PRKX: variants seen among roughly 807,000 people sequenced by gnomAD.
PRKX encodes protein kinase cAMP-dependent X-linked catalytic subunit.
In PRKX, 12 loss-of-function variants were observed where a neutral mutation model predicts 22.0. The ratio of observed to expected loss-of-function variants is 0.54; its 90% CI spans 0.35 to 0.88. PRKX has a LOEUF of 0.88. PRKX is among the 40% of genes least tolerant of loss of function. PRKX has a pLI of 0.01. For synonymous variants in PRKX, 134 were observed against 137.7 expected (o/e 0.97, Z 0.19); for missense variants, 217 against 308.0 (o/e 0.70, Z 2.21).
chrX:3,687,405 A>G (rs180727954), intron 1 of PRKX, among the ~76,000 whole-genome samples: 86 of 112,317 alleles, frequency 7.7e-4, no homozygotes, highest in African/African-American at 2.7e-3. Context: ...TGAGACAGCA[A>G]ATGGCTGATG....
intron 7 of PRKX, 96 bp downstream of exon 7, chrX:3,615,719 T>C: frequency 1.5e-6 from 1 of 687,835 alleles, no homozygotes; most frequent in African/African-American, 2.2e-5. Context: ...ATTAATCACA[T>C]GTCAGCCATC....
At chrX:3,647,419 AATT>A (rs1275056511) in intron 3 of PRKX, among the ~76,000 whole-genome samples, 2 of 105,659 alleles carry the variant, frequency 1.9e-5, no homozygotes, top group African/African-American at 3.4e-5. Flanking sequence ...TTTTAAATAT[AATT>A]ATGTTTAACT....
intron 4 of PRKX, among the ~76,000 whole-genome samples, chrX:3,632,372 C>T (rs1209117505): frequency 1.8e-5 from 2 of 110,979 alleles, no homozygotes; most frequent in African/African-American, 3.3e-5. Context: ...AACAACCTCC[C>T]GAGCCCGTCC....
At position 3,655,458 on chromosome X, in the gene PRKX, CA is replaced by C. The variant is rs1197340387; in HGVS notation, c.336-47del. 4 of 1,202,286 alleles carry C rather than the reference CA, an allele frequency of 3.3e-6. No individual in the cohort carries two copies. In the East Asian group the frequency reaches 8.9e-5, roughly 27 times the overall value. On this transcript the variant is annotated intron_variant, in intron 2 of 8. Transcript: ENST00000262848. Reference sequence around the variant, plus strand: ...TGCTCAGGGCCCCGCCAAGGCAGGGCAGGGGGTACGCCGTCAGCTAGGTGTT... The same window carrying C: ...TGCTCAGGGCCCCGCCAAGGCAGGGCGGGGGTACGCCGTCAGCTAGGTGTT...
At chrX:3,654,670 C>T (rs975061237) in intron 3 of PRKX, among the ~76,000 whole-genome samples, 6 of 107,600 alleles carry the variant, frequency 5.6e-5, no homozygotes, top group East Asian at 2.9e-4. Context: ...TCTGTAGAGA[C>T]GGGGTCTCAC....
intron 4 of PRKX, among the ~76,000 whole-genome samples, chrX:3,635,558 C>T (rs1367383520): frequency 1.8e-5 from 2 of 110,955 alleles, no homozygotes; most frequent in African/African-American, 6.6e-5. Flanking sequence ...TTGTGTGTCC[C>T]TGTGTTTTGT....
At chrX:3,678,586 T>C (rs1928010138) in intron 1 of PRKX, among the ~76,000 whole-genome samples, 1 of 112,307 alleles carries the variant, frequency 8.9e-6, no homozygotes, top group South Asian at 3.7e-4. Flanking sequence ...GCAGCGGATC[T>C]TTGCGCTACC....
At chrX:3,635,263 G>A (rs112448342) in intron 4 of PRKX, among the ~76,000 whole-genome samples, 3,073 of 111,427 alleles carry the variant, frequency 0.028, 116 homozygotes, top group African/African-American at 0.094. Context: ...GAACCACTGC[G>A]CAATGCCTAA....
intron 1 of PRKX, among the ~76,000 whole-genome samples, chrX:3,704,389 G>T (rs1928641310): frequency 8.9e-6 from 1 of 112,173 alleles, no homozygotes; most frequent in South Asian, 3.7e-4. Context: ...GTCAGGCAGG[G>T]CGTGGTGGCT....
chrX:3,650,539 A>G (rs1464773109), intron 3 of PRKX, among the ~76,000 whole-genome samples: 11 of 101,117 alleles, frequency 1.1e-4, no homozygotes, highest in Admixed American at 2.2e-4. Context: ...AAAAAAAAAA[A>G]AGAGAGAAAA....
chrX:3,679,964 G>A (rs1014251579), intron 1 of PRKX, among the ~76,000 whole-genome samples: 2 of 111,246 alleles, frequency 1.8e-5, no homozygotes, highest in African/African-American at 6.5e-5. Context: ...TTAATGCGGG[G>A]TGGACTCAGG....
chrX:3,690,427 T>G lies in PRKX; in HGVS notation c.167-15661A>C, dbSNP rs768321502. ...CGATGTACAGTGTATTAAATTACAC[T>G]TTCTCATCAGAAATACAAAATGTGG... On this transcript the variant is annotated intron_variant, in intron 1 of 8. Transcript: ENST00000262848. 2.7e-5 allele frequency among the ~76,000 whole-genome samples: 3 copies of G among 112,859 alleles called. No homozygotes were observed. In the East Asian group the frequency reaches 8.4e-4, roughly 31 times the overall value.
rs990324652 is a variant in PRKX at position 3,713,333 on chromosome X, G to A, written c.-80C>T. 15 of 833,467 alleles carry A rather than the reference G, an allele frequency of 1.8e-5. No individual in the cohort carries two copies. The highest frequency in any genetic ancestry group is 4.5e-6 in the Non-Finnish European group (3 of 659,724). The allele number at this position is 833,467 out of a possible 1,213,427, so 68.7% of individuals were successfully genotyped here. On this transcript the variant is annotated 5_prime_UTR_variant, in exon 1 of 9. Transcript: ENST00000262848. ...GGCTTCCCGGGACGCAGCCTCGGAGGGCGGCGCGGCGGCGGCATCAACAGA... is the reference window on the plus strand; with the variant it reads ...GGCTTCCCGGGACGCAGCCTCGGAGAGCGGCGCGGCGGCGGCATCAACAGA...
chrX:3,685,205 C>A (rs1928152080), intron 1 of PRKX, among the ~76,000 whole-genome samples: 1 of 109,823 alleles, frequency 9.1e-6, no homozygotes, highest in Non-Finnish European at 1.9e-5. Flanking sequence ...TTCCTTCAGC[C>A]CTTCCCTCCT....
intron 5 of PRKX, among the ~76,000 whole-genome samples, chrX:3,623,365 G>T (rs1201223871): frequency 5.4e-5 from 6 of 110,345 alleles, no homozygotes; most frequent in Admixed American, 9.8e-5. Context: ...AACCAGCATG[G>T]GCAACATAGT....
chrX:3,668,315 C>T (rs1166893552), intron 2 of PRKX: 1 of 111,580 alleles, frequency 9.0e-6, no homozygotes, highest in African/African-American at 3.3e-5. Flanking sequence ...GGTCTCTGTG[C>T]TTTGCAGGCA....
chrX:3,637,488 G>A (rs1275544758), intron 4 of PRKX, among the ~76,000 whole-genome samples: 2 of 111,210 alleles, frequency 1.8e-5, no homozygotes, highest in Non-Finnish European at 3.8e-5. Context: ...AGCTCAGGCC[G>A]GCTGGAGCTG....
chrX:3,649,957 T>C (rs1398935792), intron 3 of PRKX, among the ~76,000 whole-genome samples: 2 of 109,098 alleles, frequency 1.8e-5, no homozygotes, highest in South Asian at 4.1e-4. Flanking sequence ...CCTGGCAACA[T>C]AGTGAAACCC....
At position 3,608,370 on chromosome X, in the gene PRKX, A is replaced by G. The variant is rs1603472718; in HGVS notation, c.*599T>C. ...GATACTGAAGGTAGACCTCCCCATG[A>G]TATTTTCTTCCCCAAAACTATAAAA... is the stretch of plus-strand genomic sequence containing the variant. On this transcript the variant is annotated 3_prime_UTR_variant, in exon 9 of 9. Coordinates refer to ENST00000262848, the MANE Select transcript of PRKX (RefSeq NM_005044.5). The G allele has an allele frequency of 9.1e-6, 1 of 110,222 alleles. No individual in the cohort carries two copies. Among genetic ancestry groups the G allele is most frequent in the African/African-American group, 3.3e-5 (1 of 30,265 alleles). 9.1% of individuals were successfully genotyped at this position (110,222 alleles called of 1,213,427 possible).
Sources: allele counts gnomAD v4.1 joint callset (sites outside exome capture counted in the v4.1 genomes callset), GRCh38; gene constraint gnomAD v4.1.1; transcripts MANE v1.5; gene names NCBI Gene and HGNC (gene_info 2026-07-23, HGNC 2026-07-21).